The following SPATA9 variants were observed in gnomAD, a reference collection of about 807,000 sequenced individuals.
SPATA9 encodes the protein spermatogenesis-associated protein 9.
Under a neutral mutation model 25.5 loss-of-function variants are expected in SPATA9, and 27 were observed. The ratio of observed to expected loss-of-function variants is 1.06; its 90% CI spans 0.78 to 1.46. The LOEUF (loss-of-function observed/expected upper bound fraction) is 1.46. Ranked by LOEUF, SPATA9 falls within the 40% of genes most tolerant of loss-of-function variation. SPATA9 has a pLI of 0.00. For missense variants in SPATA9, 282 were observed against 297.5 expected (o/e 0.95, Z 0.38); for synonymous variants, 102 against 105.7 (o/e 0.97, Z 0.21).
chr5:95,665,248 C>T (rs892953469), intron 3 of SPATA9, among the ~76,000 whole-genome samples: 2 of 152,124 alleles, frequency 1.3e-5, no homozygotes, highest in African/African-American at 2.4e-5. Context: ...TTTTGTAATA[C>T]ATAATATTTT....
the SPATA9 span, among the ~76,000 whole-genome samples, chr5:95,716,123 G>GC: frequency 6.6e-6 from 1 of 152,216 alleles, no homozygotes; most frequent in Non-Finnish European, 1.5e-5. Context: ...TGGGGTGGGA[G>GC]CCCCCACACA....
downstream of SPATA9, chr5:95,656,244 C>A: frequency 1.9e-6 from 3 of 1,613,284 alleles, no homozygotes; most frequent in Admixed American, 5.0e-5. Context: ...TTCTAATGAA[C>A]CTTTTAAGTG....
chr5:95,720,511 G>C, the SPATA9 span, among the ~76,000 whole-genome samples: 1 of 152,188 alleles, frequency 6.6e-6, no homozygotes, highest in Admixed American at 6.5e-5. Flanking sequence ...TACTAATAGT[G>C]TACAATTTGT....
intron 1 of SPATA9, among the ~76,000 whole-genome samples, chr5:95,694,124 C>T (rs1753954268): frequency 6.6e-6 from 1 of 152,128 alleles, no homozygotes; most frequent in Non-Finnish European, 1.5e-5. Context: ...CACACCACTA[C>T]ACTCCAGCCT....
chr5:95,653,458 A>G (rs181588969), downstream of SPATA9, among the ~76,000 whole-genome samples: 1 of 152,378 alleles, frequency 6.6e-6, no homozygotes, highest in Admixed American at 6.5e-5. Context: ...TGAAACTTAA[A>G]TCTCTATGTT....
chr5:95,710,414 C>T, the SPATA9 span, among the ~76,000 whole-genome samples: 1 of 152,204 alleles, frequency 6.6e-6, no homozygotes, highest in African/African-American at 2.4e-5. Context: ...GTCTCTATGG[C>T]ATGAGGAGTT....
the SPATA9 span, among the ~76,000 whole-genome samples, chr5:95,721,691 A>AT: frequency 8.4e-6 from 1 of 119,638 alleles, no homozygotes; most frequent in African/African-American, 2.9e-5. Flanking sequence ...TACTGAGAGC[A>AT]TTAAAAAAAA....
chr5:95,708,681 T>C, the SPATA9 span: 7 of 695,958 alleles, frequency 1.0e-5, no homozygotes, highest in African/African-American at 1.1e-4. Flanking sequence ...GTCCAAATCC[T>C]GCTGCAAGGT....
At chr5:95,692,450 T>A (rs1753917449) in intron 1 of SPATA9, among the ~76,000 whole-genome samples, 1 of 152,092 alleles carries the variant, frequency 6.6e-6, no homozygotes, top group Non-Finnish European at 1.5e-5. Flanking sequence ...ATGCAAAAAT[T>A]TCAAATATGT....
At chr5:95,714,197 A>T in the SPATA9 span, among the ~76,000 whole-genome samples, 1 of 152,146 alleles carries the variant, frequency 6.6e-6, no homozygotes, top group African/African-American at 2.4e-5. Flanking sequence ...TCAACTGGGG[A>T]TGACTAGGCA....
At chr5:95,665,311 C>T (rs1461015191) in intron 3 of SPATA9, among the ~76,000 whole-genome samples, 1 of 152,162 alleles carries the variant, frequency 6.6e-6, no homozygotes, top group Non-Finnish European at 1.5e-5. Context: ...ATTTATTCTG[C>T]CTATCTAATT....
the SPATA9 span, chr5:95,731,944 G>A: frequency 8.7e-6 from 14 of 1,613,990 alleles, no homozygotes; most frequent in Non-Finnish European, 1.2e-5. Flanking sequence ...CACTTACCTG[G>A]GGAGAAGCCC....
At chr5:95,667,914 GTGTA>G (rs1751974823) in intron 3 of SPATA9, among the ~76,000 whole-genome samples, 1 of 152,122 alleles carries the variant, frequency 6.6e-6, no homozygotes, top group Non-Finnish European at 1.5e-5. Context: ...TTGTATAAAA[GTGTA>G]TGGCCTCTCC....
At chr5:95,722,464 A>T in the SPATA9 span, among the ~76,000 whole-genome samples, 1 of 152,178 alleles carries the variant, frequency 6.6e-6, no homozygotes, top group Non-Finnish European at 1.5e-5. Context: ...ATTTATATAC[A>T]TCCCTGGGGG....
At chr5:95,678,461 T>G (rs1160103801) in intron 2 of SPATA9, among the ~76,000 whole-genome samples, 1 of 152,168 alleles carries the variant, frequency 6.6e-6, no homozygotes, top group Non-Finnish European at 1.5e-5. Context: ...GAAGAACGAT[T>G]TAGTAATCAT....
At chr5:95,690,412 A>G (rs544770779) in intron 1 of SPATA9, among the ~76,000 whole-genome samples, 55 of 152,302 alleles carry the variant, frequency 3.6e-4, no homozygotes, top group Middle Eastern at 6.8e-3. Flanking sequence ...AATATGTGAT[A>G]CCAAGTCTGG....
chr5:95,688,101 A>G (rs1394332893), intron 1 of SPATA9, among the ~76,000 whole-genome samples: 1 of 152,230 alleles, frequency 6.6e-6, no homozygotes, highest in African/African-American at 2.4e-5. Flanking sequence ...ATTATATCAG[A>G]AAGATACCTG....
upstream of SPATA9, among the ~76,000 whole-genome samples, chr5:95,700,590 G>T (rs763999755): frequency 6.7e-6 from 1 of 148,708 alleles, no homozygotes; most frequent in Admixed American, 6.7e-5. Flanking sequence ...GAGCCACCGC[G>T]CCTGGCCAAA....
chr5:95,709,584 A>G, the SPATA9 span, among the ~76,000 whole-genome samples: 1 of 152,220 alleles, frequency 6.6e-6, no homozygotes, highest in African/African-American at 2.4e-5. Context: ...AGGTGAAGGC[A>G]GGTCCATTAT....
Sources: allele counts gnomAD v4.1 joint callset (sites outside exome capture counted in the v4.1 genomes callset), GRCh38; gene constraint gnomAD v4.1.1; transcripts MANE v1.5; gene names NCBI Gene and HGNC (gene_info 2026-07-23, HGNC 2026-07-21).